RIMS2: variants seen among roughly 807,000 people sequenced by gnomAD.
RIMS2 encodes the protein regulating synaptic membrane exocytosis protein 2.
A neutral mutation model predicts 174.4 loss-of-function variants in RIMS2; 59 were observed. The observed-to-expected ratio is 0.34, with a 90% CI of 0.27 to 0.42. RIMS2 has a LOEUF of 0.42. RIMS2 is among the 10% of genes least tolerant of loss of function. The probability of loss-of-function intolerance (pLI) is 1.00; values close to 1 mark genes in which losing one functional copy is unlikely to be tolerated. For missense variants in RIMS2, 1,620 were observed against 1,666.3 expected (o/e 0.97, Z 0.48); for synonymous variants, 606 against 572.5 (o/e 1.06, Z -0.84).
chr8:104,021,702 A>G (rs62527148), intron 19 of RIMS2, among the ~76,000 whole-genome samples: 27,166 of 152,132 alleles, frequency 0.18, 2,761 homozygotes, highest in South Asian at 0.35. Flanking sequence ...TCAGACTGTT[A>G]TGCTTTCTTC....
At chr8:103,900,560 C>T (rs1222664599) in intron 4 of RIMS2, among the ~76,000 whole-genome samples, 2 of 152,020 alleles carry the variant, frequency 1.3e-5, no homozygotes, top group African/African-American at 4.8e-5. Context: ...ATTATTGAGC[C>T]TACCATGGGC....
chr8:103,794,156 A>G lies in RIMS2; in HGVS notation c.698+27619A>G, dbSNP rs185349205. Among the ~76,000 whole-genome samples, 139 of 152,190 alleles carry G rather than the reference A, an allele frequency of 9.1e-4. 1 individual carries two copies. The East Asian group carries it at 0.024, about 26-fold the overall frequency. ...CCTAAGCCAAAAGAACAAAGCTGGCAGCATCACACTACCTGACTTCAAACT... is the reference window on the plus strand; with the variant it reads ...CCTAAGCCAAAAGAACAAAGCTGGCGGCATCACACTACCTGACTTCAAACT... On this transcript the variant is annotated intron_variant, in intron 3 of 23. Transcript: ENST00000504942.
intron 3 of RIMS2, among the ~76,000 whole-genome samples, chr8:103,873,625 C>G (rs376824161): frequency 3.5e-4 from 53 of 152,108 alleles, no homozygotes; most frequent in African/African-American, 1.2e-3. Context: ...TTAAATAGAA[C>G]AAGCCCAACA....
chr8:103,909,778 A>G (rs1048944869), intron 4 of RIMS2, among the ~76,000 whole-genome samples: 1 of 152,058 alleles, frequency 6.6e-6, no homozygotes, highest in Admixed American at 6.5e-5. Context: ...TAAAAAAAAT[A>G]TATGGCATGA....
At chr8:103,600,379 C>A (rs745669657) in intron 1 of RIMS2, among the ~76,000 whole-genome samples, 1 of 152,138 alleles carries the variant, frequency 6.6e-6, no homozygotes, top group Non-Finnish European at 1.5e-5. Context: ...GAGCAATTAT[C>A]ATGCCTCAGC....
At chr8:104,110,349 A>G (rs1599104871) in intron 19 of RIMS2, among the ~76,000 whole-genome samples, 2 of 152,194 alleles carry the variant, frequency 1.3e-5, no homozygotes, top group Non-Finnish European at 2.9e-5. Context: ...TTTCAGCCTT[A>G]TATAAGGCAG....
chr8:103,564,708 A>C (rs1022355608), intron 1 of RIMS2, among the ~76,000 whole-genome samples: 31 of 152,172 alleles, frequency 2.0e-4, no homozygotes, highest in African/African-American at 7.2e-4. Flanking sequence ...GCCTGCTTTT[A>C]TCCTAGCTGT....
chr8:103,632,802 C>G (rs796320399), intron 1 of RIMS2, among the ~76,000 whole-genome samples: 2 of 131,296 alleles, frequency 1.5e-5, no homozygotes, highest in African/African-American at 6.1e-5. Flanking sequence ...GGCGCAATCT[C>G]GGCTCACTGC....
At chr8:103,618,125 G>C (rs1348251519) in intron 1 of RIMS2, among the ~76,000 whole-genome samples, 1 of 152,062 alleles carries the variant, frequency 6.6e-6, no homozygotes, top group African/African-American at 2.4e-5. Context: ...AAGAAAATGT[G>C]GTACACATAC....
intron 1 of RIMS2, among the ~76,000 whole-genome samples, chr8:103,504,272 T>G (rs796146800): frequency 1.5e-4 from 23 of 152,242 alleles, no homozygotes; most frequent in African/African-American, 5.1e-4. Context: ...AATTTACCCT[T>G]TTTTTGAGTT....
chr8:104,024,277 A>G (rs933654696), intron 19 of RIMS2, among the ~76,000 whole-genome samples: 1 of 152,202 alleles, frequency 6.6e-6, no homozygotes, highest in Non-Finnish European at 1.5e-5. Flanking sequence ...CAAGATATCT[A>G]TCAGTGTTCT....
intron 1 of RIMS2, among the ~76,000 whole-genome samples, chr8:103,677,882 G>A (rs778289043): frequency 5.9e-5 from 9 of 152,102 alleles, no homozygotes; most frequent in African/African-American, 1.7e-4. Flanking sequence ...GTTACAGTTA[G>A]GTGCTTGCCT....
chr8:103,568,868 C>G (rs1193981600), intron 1 of RIMS2: 1 of 1,157,098 alleles, frequency 8.6e-7, no homozygotes, highest in East Asian at 2.7e-5. Context: ...TAATTGCTGT[C>G]TGAATATTAT....
Position 103,617,506 on chromosome 8 carries a change from CAT to C in RIMS2, c.177-79579_177-79578del, listed in dbSNP as rs548189688. On this transcript the variant is annotated intron_variant, in intron 1 of 23. Coordinates refer to ENST00000504942, the Ensembl canonical transcript of RIMS2. The stretch of plus-strand genomic sequence containing the variant: ...CAATCTCAACAAAAGCAGAAATTGA[CAT>C]GTGATCTAATTAAACTGAAGAGCTT... Among the ~76,000 whole-genome samples the C allele has an allele frequency of 5.2e-3, 784 of 152,076 alleles. 7 individuals carry two copies. The highest frequency in any genetic ancestry group is 0.014 in the Middle Eastern group (4 of 294).
chr8:103,550,043 T>G (rs1437232675), intron 1 of RIMS2, among the ~76,000 whole-genome samples: 1 of 152,122 alleles, frequency 6.6e-6, no homozygotes, highest in African/African-American at 2.4e-5. Flanking sequence ...ATTAGACAGA[T>G]CAACGAGAGA....
chr8:103,778,118 T>G (rs1248490910), intron 3 of RIMS2, among the ~76,000 whole-genome samples: 1 of 152,080 alleles, frequency 6.6e-6, no homozygotes, highest in Non-Finnish European at 1.5e-5. Flanking sequence ...TACACATTTA[T>G]GTATTTTTGA....
intron 12 of RIMS2, among the ~76,000 whole-genome samples, chr8:103,935,092 A>T (rs1488155693): frequency 6.6e-6 from 1 of 152,210 alleles, no homozygotes; most frequent in Admixed American, 6.5e-5. Context: ...AGGGTCTCAG[A>T]ATTCATTCTT....
At chr8:103,529,481 C>T (rs901315534) in intron 1 of RIMS2, among the ~76,000 whole-genome samples, 4 of 152,206 alleles carry the variant, frequency 2.6e-5, no homozygotes, top group Non-Finnish European at 5.9e-5. Flanking sequence ...TGGAAAAGTG[C>T]AGTATTAGTG....
At chr8:103,714,115 T>C (rs2097341093) in intron 2 of RIMS2, among the ~76,000 whole-genome samples, 1 of 152,208 alleles carries the variant, frequency 6.6e-6, no homozygotes, top group Admixed American at 6.5e-5. Flanking sequence ...AAAAGTGTAT[T>C]ATTATTAATT....
Sources: gnomAD v4.1 joint callset for allele counts (sites outside exome capture counted in the v4.1 genomes callset) on GRCh38, gnomAD v4.1.1 for gene constraint, MANE v1.5 for transcripts, NCBI Gene and HGNC (gene_info 2026-07-23, HGNC 2026-07-21) for gene names.